STXBP5L: variants seen among roughly 807,000 people sequenced by gnomAD.
STXBP5L encodes the protein syntaxin-binding protein 5-like.
A neutral mutation model predicts 144.5 loss-of-function variants in STXBP5L; 65 were observed. The observed-to-expected ratio is 0.45, with a 90% CI of 0.37 to 0.55. The LOEUF (loss-of-function observed/expected upper bound fraction) is 0.55. STXBP5L is among the 20% of genes least tolerant of loss of function. The pLI is 0.00. For synonymous variants in STXBP5L, 505 were observed against 469.6 expected (o/e 1.08, Z -0.97); for missense variants, 1,298 against 1,405.5 (o/e 0.92, Z 1.22).
chr3:121,393,027 G>T (rs1360480234), intron 22 of STXBP5L, among the ~76,000 whole-genome samples: 1 of 151,832 alleles, frequency 6.6e-6, no homozygotes, highest in East Asian at 1.9e-4. Flanking sequence ...CATAGAAGTT[G>T]TACTAAACTA....
intron 18 of STXBP5L, among the ~76,000 whole-genome samples, chr3:121,261,383 C>T (rs1197667076): frequency 6.6e-6 from 1 of 152,024 alleles, no homozygotes; most frequent in African/African-American, 2.4e-5. Flanking sequence ...TTTAAATGTT[C>T]CTGAGAATTA....
chr3:121,104,852 C>A (rs1257787004), intron 5 of STXBP5L, among the ~76,000 whole-genome samples: 1 of 151,398 alleles, frequency 6.6e-6, no homozygotes, highest in Non-Finnish European at 1.5e-5. Context: ...AGCTCATGAC[C>A]AAGATGCGAC....
chr3:121,265,423 A>G (rs1322058784), intron 18 of STXBP5L, among the ~76,000 whole-genome samples: 1 of 152,204 alleles, frequency 6.6e-6, no homozygotes, highest in Non-Finnish European at 1.5e-5. Context: ...CTTTGAAACC[A>G]ATGAGAACAG....
At chr3:121,187,621 A>T (rs1389628652) in intron 9 of STXBP5L, among the ~76,000 whole-genome samples, 1 of 151,912 alleles carries the variant, frequency 6.6e-6, no homozygotes, top group Non-Finnish European at 1.5e-5. Context: ...GAAAAAAAAT[A>T]AACTGCATCA....
intron 5 of STXBP5L, among the ~76,000 whole-genome samples, chr3:121,092,805 C>T (rs1337008591): frequency 2.0e-5 from 3 of 151,568 alleles, no homozygotes; most frequent in South Asian, 2.1e-4. Context: ...CTTCCAACAC[C>T]ATGTTGAATA....
intron 3 of STXBP5L, among the ~76,000 whole-genome samples, chr3:120,958,285 A>C (rs578201997): frequency 6.6e-6 from 1 of 151,912 alleles, no homozygotes; most frequent in Non-Finnish European, 1.5e-5. Context: ...CAACCAAAAA[A>C]AGTCCAGGAC....
intron 5 of STXBP5L, among the ~76,000 whole-genome samples, chr3:121,052,159 G>A (rs896549394): frequency 6.6e-6 from 1 of 152,200 alleles, no homozygotes; most frequent in Admixed American, 6.5e-5. Context: ...GGTACAAGGA[G>A]GAGCTGGTAC....
intron 7 of STXBP5L, among the ~76,000 whole-genome samples, chr3:121,148,739 A>G (rs1277816012): frequency 1.3e-5 from 2 of 152,134 alleles, no homozygotes; most frequent in African/African-American, 4.8e-5. Context: ...TTAAAGTTAA[A>G]CATACTAATA....
chr3:121,157,364 A>G (rs1394231121), intron 8 of STXBP5L, 140 bp from the exon 9 acceptor site: 1 of 864,142 alleles, frequency 1.2e-6, no homozygotes, highest in East Asian at 3.4e-5. Context: ...TTATAGTCTG[A>G]TATGGGTCAG....
At chr3:121,302,996 A>G (rs1440733010) in intron 19 of STXBP5L, among the ~76,000 whole-genome samples, 1 of 152,254 alleles carries the variant, frequency 6.6e-6, no homozygotes, top group African/African-American at 2.4e-5. Context: ...GTAAAACACC[A>G]AAAGCAATGG....
intron 9 of STXBP5L, among the ~76,000 whole-genome samples, chr3:121,187,190 G>A (rs542611521): frequency 2.0e-5 from 3 of 152,112 alleles, no homozygotes; most frequent in Admixed American, 6.5e-5. Flanking sequence ...AGAAAATGTG[G>A]CACATGTACA....
At chr3:121,310,665 T>G (rs2108510797) in intron 19 of STXBP5L, among the ~76,000 whole-genome samples, 1 of 151,054 alleles carries the variant, frequency 6.6e-6, no homozygotes, top group South Asian at 2.1e-4. Flanking sequence ...TCCTAGCACC[T>G]TGGGAGGCCA....
At chr3:121,082,341 A>G (rs960346544) in intron 5 of STXBP5L, among the ~76,000 whole-genome samples, 6 of 151,950 alleles carry the variant, frequency 3.9e-5, no homozygotes, top group African/African-American at 1.5e-4. Flanking sequence ...TGTTAGATCT[A>G]TACCTATGTA....
chr3:121,030,535 G>A (rs1946291485), intron 3 of STXBP5L, among the ~76,000 whole-genome samples: 1 of 152,108 alleles, frequency 6.6e-6, no homozygotes, highest in African/African-American at 2.4e-5. Context: ...GTTGCGGGGT[G>A]TGGGACTAGG....
intron 2 of STXBP5L, among the ~76,000 whole-genome samples, chr3:120,915,221 G>C (rs1709048938): frequency 1.3e-5 from 2 of 152,036 alleles, no homozygotes; most frequent in African/African-American, 2.4e-5. Flanking sequence ...TTTTCTGTAG[G>C]AGTATTATCA....
chr3:121,389,473 T>C (rs994205426), intron 22 of STXBP5L, among the ~76,000 whole-genome samples: 6 of 152,228 alleles, frequency 3.9e-5, no homozygotes. Context: ...TTAATTGTGA[T>C]GTTAGGGTGT....
chr3:121,029,957 G>A (rs917664711), intron 3 of STXBP5L, among the ~76,000 whole-genome samples: 1 of 152,134 alleles, frequency 6.6e-6, no homozygotes, highest in African/African-American at 2.4e-5. Context: ...TTAGAGAAAT[G>A]CAAATCAAAA....
At chr3:121,010,977 T>A (rs984328741) in intron 3 of STXBP5L, among the ~76,000 whole-genome samples, 1 of 151,242 alleles carries the variant, frequency 6.6e-6, no homozygotes, top group Non-Finnish European at 1.5e-5. Flanking sequence ...AAGGGCCGAT[T>A]GTACTTATTG....
chr3:120,987,390 T>A (rs1248030909), intron 3 of STXBP5L, among the ~76,000 whole-genome samples: 2 of 152,016 alleles, frequency 1.3e-5, no homozygotes, highest in Non-Finnish European at 2.9e-5. Flanking sequence ...TGAATAAACA[T>A]GTTATTTGCC....
Sources: allele counts gnomAD v4.1 joint callset (sites outside exome capture counted in the v4.1 genomes callset), GRCh38; gene constraint gnomAD v4.1.1; transcripts MANE v1.5; gene names NCBI Gene and HGNC (gene_info 2026-07-23, HGNC 2026-07-21).